ZNF205: variants seen among roughly 807,000 people sequenced by gnomAD.
The protein encoded by ZNF205 is transcriptional repressor RHIT.
ZNF205 carries 32 observed loss-of-function variants against 53.6 expected under a neutral mutation model. The observed-to-expected ratio is 0.60, with a 90% confidence interval of 0.45 to 0.80. The LOEUF is 0.80. Ranked by LOEUF, ZNF205 falls within the 30% of genes least tolerant of loss-of-function variation. The pLI, the probability that ZNF205 is intolerant of heterozygous loss-of-function variation, is 0.00. For missense variants in ZNF205, 836 were observed against 782.4 expected, an observed-to-expected ratio of 1.07 and a Z score of -0.82; for synonymous variants, 382 against 334.3, an observed-to-expected ratio of 1.14 and a Z score of -1.56.
In ZNF205 at chr16:3,120,178, C is replaced by T; in HGVS notation, c.1518C>T (p.Cys506=). ...RTHRGVRPYA[C]PLCGKSFSRR... ...ACCGTGGCGTGCGGCCCTACGCCTG[C>T]CCGTTGTGCGGCAAGAGCTTCAGCC... The change falls in exon 7 of 7, where the codon TGC becomes TGT. Residue 506 remains cysteine (C), a synonymous_variant. Coordinates refer to ENST00000219091, the MANE Select transcript of ZNF205 (RefSeq NM_001042428.2). 6.2e-7 allele frequency: 1 copy of T among 1,606,640 alleles called. No homozygotes were observed. Among genetic ancestry groups the T allele is most frequent in the Non-Finnish European group, 8.5e-7 (1 of 1,175,494 alleles).
chr16:3,113,939 G>C (rs540523510), intron 2 of ZNF205, among the ~76,000 whole-genome samples: 1 of 151,996 alleles, frequency 6.6e-6, no homozygotes, highest in African/African-American at 2.4e-5. Context: ...CTGGGTCTCC[G>C]GGCTTGGAGT....
At position 3,118,993 on chromosome 16, in the gene ZNF205, G is replaced by A. The variant is rs150467103; in HGVS notation, c.573G>A (p.Lys191=). ...CCAGCCGGCAGGCAGGAGATGAGAA[G>A]GAGTGGAGAGGCGCGTGCACAGGTG... ...SGSSRQAGDE[K]EWRGACTGAV... is the part of the protein sequence containing the mutation. Residue 191 remains lysine (K), a synonymous_variant, in exon 6 of 7, where the codon AAG becomes AAA. Transcript: ENST00000219091. 2.7e-5 allele frequency: 43 copies of A among 1,613,550 alleles called. No homozygotes were observed. The African/African-American group carries it at 5.3e-4, about 20-fold the overall frequency.
At chr16:3,113,198 C>A (rs1402731862) in intron 1 of ZNF205, among the ~76,000 whole-genome samples, 1 of 152,070 alleles carries the variant, frequency 6.6e-6, no homozygotes, top group African/African-American at 2.4e-5. Context: ...AAAATAGGAC[C>A]CAGAAAACAT....
In ZNF205 at chr16:3,115,503, G is replaced by T; in HGVS notation, c.206G>T (p.Gly69Val). ...EGASQEDGAQ[G>V]AWGWAPLSHG... ...GCATCGCAGGAGGATGGGGCTCAAG[G>T]TGCCTGGGGCTGGGCACCCCTAAGT... Residue 69 changes from glycine to valine, a missense_variant, in exon 3 of 7, where the codon GGT becomes GTT. Physicochemically the swap from Gly to Val is moderately radical, Grantham distance 109. Transcript: ENST00000219091. 1 of 1,605,566 alleles carries T rather than the reference G, an allele frequency of 6.2e-7. No individual in the cohort carries two copies.
In ZNF205 at chr16:3,120,127, G is replaced by A. The variant is rs1165681640; in HGVS notation, c.1467G>A (p.Ser489=). Residue 489 remains serine, a synonymous_variant, in exon 7 of 7, where the codon TCG becomes TCA. Transcript: ENST00000219091. ...GCGGCAAGAGCTTCAGCCACAGCTC[G>A]CACCTCACCGCGCACCAGCGCACCC... ...LDCGKSFSHS[S]HLTAHQRTHR... 2 of 1,613,270 alleles carry A rather than the reference G, an allele frequency of 1.2e-6. No homozygotes were observed. Among genetic ancestry groups the A allele is most frequent in the South Asian group, 1.1e-5 (1 of 91,050 alleles).
Position 3,118,874 on chromosome 16 carries a change from C to A in ZNF205, c.485-31C>A, listed in dbSNP as rs1957379964. 6 of 1,608,218 alleles carry A rather than the reference C, an allele frequency of 3.7e-6. No individual in the cohort carries two copies. In the Admixed American group the frequency reaches 5.1e-5, roughly 14 times the overall value. On this transcript the variant is annotated intron_variant, in intron 5 of 6. Coordinates refer to ENST00000219091, the MANE Select transcript of ZNF205 (RefSeq NM_001042428.2). ...CTGCAGCTGGGCAGCGCCAGAAGGCCTGTGACAGCACAGCATCTCTTTCTG... is the reference window on the plus strand; with the variant it reads ...CTGCAGCTGGGCAGCGCCAGAAGGCATGTGACAGCACAGCATCTCTTTCTG...
At chr16:3,118,421 A>G (rs1232778878) in intron 5 of ZNF205, among the ~76,000 whole-genome samples, 1 of 152,168 alleles carries the variant, frequency 6.6e-6, no homozygotes, top group African/African-American at 2.4e-5. Flanking sequence ...GGTTGGTCCA[A>G]CACATTCCTT....
At chr16:3,113,682 C>G (rs1481395554) in intron 2 of ZNF205, among the ~76,000 whole-genome samples, 195 bp downstream of exon 2, 1 of 152,162 alleles carries the variant, frequency 6.6e-6, no homozygotes, top group East Asian at 1.9e-4. Context: ...GGTGAATTCT[C>G]TAGCCAGTGG....
At chr16:3,112,719 G>A (rs987331109) in intron 1 of ZNF205, 37 bp downstream of exon 1, 5 of 274,438 alleles carry the variant, frequency 1.8e-5, no homozygotes, top group Admixed American at 4.4e-5. Context: ...TCTGGATCCC[G>A]AGACCGGCGC....
rs1461685812 is a variant in ZNF205, at chr16:3,120,351, G to A, written c.*26G>A. 2.0e-6 allele frequency: 3 copies of A among 1,474,590 alleles called. No homozygotes were observed. Among genetic ancestry groups the A allele is most frequent in the African/African-American group, 2.8e-5 (2 of 70,818 alleles). The allele number at this position is 1,474,590 out of a possible 1,614,324, so 91.3% of individuals were successfully genotyped here. A position where few individuals can be genotyped will look rare whatever the true frequency, so the allele number is the denominator to read the frequency against. ...GAGGCCAGGAAAGGGGGAGCGGGGC[G>A]CCCAGGGCCACTGGAACAGCCCCAC... On this transcript the variant is annotated 3_prime_UTR_variant, in exon 7 of 7. Transcript: ENST00000219091.
Position 3,116,388 on chromosome 16 carries a change from C to T in ZNF205, c.364-39C>T, listed in dbSNP as rs199669748. ...CCATGGTGTCCCTCCACCGTGTCCA[C>T]GTCATGTCCTGGAGAGTGGATGTTT... On this transcript the variant is annotated intron_variant, in intron 4 of 6. Transcript: ENST00000219091. 3.2e-4 allele frequency: 508 copies of T among 1,611,398 alleles called. 2 individuals are homozygous for T. Among genetic ancestry groups the T allele is most frequent in the Admixed American group, 1.1e-3 (63 of 59,936 alleles).
intron 1 of ZNF205, 67 bp from the exon 2 acceptor site, chr16:3,113,350 C>G: frequency 6.5e-7 from 1 of 1,533,542 alleles, no homozygotes; most frequent in South Asian, 1.1e-5. Context: ...CTCTTCTAGG[C>G]TCCTGGCCAG....
At position 3,119,549 on chromosome 16, in the gene ZNF205, C is replaced by T. The variant is rs755481795; in HGVS notation, c.889C>T (p.Leu297=). ...CGCCCCGGAGAGTGGCGAGGAGGGCCTGGCCCCTGACAGTGAGGTGGGCAG... is the reference window on the plus strand; with the variant it reads ...CGCCCCGGAGAGTGGCGAGGAGGGCTTGGCCCCTGACAGTGAGGTGGGCAG... ...KGAPESGEEG[L]APDSEVGRKS... The change falls in exon 7 of 7, where the codon CTG becomes TTG. Residue 297 remains leucine, a synonymous_variant. Coordinates refer to ENST00000219091, the MANE Select transcript of ZNF205 (RefSeq NM_001042428.2). The T allele has an allele frequency of 6.2e-7, 1 of 1,607,682 alleles. No individual in the cohort carries two copies. Among genetic ancestry groups the T allele is most frequent in the Non-Finnish European group, 8.5e-7 (1 of 1,177,630 alleles).
intron 5 of ZNF205, among the ~76,000 whole-genome samples, 162 bp downstream of exon 5, chr16:3,116,709 G>A (rs1957350921): frequency 6.6e-6 from 1 of 152,148 alleles, no homozygotes; most frequent in Non-Finnish European, 1.5e-5. Context: ...TGTTCTGTGT[G>A]TGCTAGGACG....
Position 3,119,473 on chromosome 16 carries a change from G to A in ZNF205, c.813G>A (p.Thr271=), listed in dbSNP as rs1375612755. 1.9e-6 allele frequency: 3 copies of A among 1,588,778 alleles called. No individual in the cohort carries two copies. Among genetic ancestry groups the A allele is most frequent in the Non-Finnish European group, 8.6e-7 (1 of 1,168,662 alleles). ...PDAAPPDPSP[T]EPQEYRVPEK... is the part of the protein sequence containing the mutation. ...CAGCTCCGCCAGACCCCAGTCCCAC[G>A]GAGCCCCAGGAGTACCGCGTCCCGG... Residue 271 remains threonine, a synonymous_variant, in exon 7 of 7, where the codon ACG becomes ACA. Transcript: ENST00000219091.
rs1957405010 is a variant in ZNF205 at position 3,120,089 on chromosome 16, CACTGCCTCG to C, written c.1435_1443del (p.Leu479_Cys481del). ...CACACACACAGGCGAGAAGCCCTACCACTGCCTCGACTGCGGCAAGAGCTTCAGCCACAG... is the reference window on the plus strand; with the variant it reads ...CACACACACAGGCGAGAAGCCCTACCACTGCGGCAAGAGCTTCAGCCACAG... On this transcript the variant is annotated inframe_deletion, in exon 7 of 7. Transcript: ENST00000219091. 2.5e-6 allele frequency: 4 copies of C among 1,613,758 alleles called. No individual in the cohort carries two copies. Among genetic ancestry groups the C allele is most frequent in the Non-Finnish European group, 3.4e-6 (4 of 1,179,840 alleles).
chr16:3,115,966 G>T (rs752023024), intron 4 of ZNF205, 46 bp downstream of exon 4: 2 of 1,574,252 alleles, frequency 1.3e-6, no homozygotes, highest in Non-Finnish European at 1.7e-6. Flanking sequence ...AGCCCTTCCT[G>T]CATCTGCTGG....
At chr16:3,115,736 G>T in intron 3 of ZNF205, 93 bp from the exon 4 acceptor site, 1 of 1,427,836 alleles carries the variant, frequency 7.0e-7, no homozygotes, top group Non-Finnish European at 9.6e-7. Context: ...CCCTGTCCTT[G>T]GGTCGGGCCA....
chr16:3,118,104 C>T (rs371874005), intron 5 of ZNF205, among the ~76,000 whole-genome samples: 1 of 147,336 alleles, frequency 6.8e-6, no homozygotes, highest in Admixed American at 7.1e-5. Flanking sequence ...CCTCGTGATC[C>T]GCCCACCTCG....
Sources: gnomAD v4.1 joint callset for allele counts (sites outside exome capture counted in the v4.1 genomes callset) on GRCh38, gnomAD v4.1.1 for gene constraint, MANE v1.5 for transcripts, NCBI Gene and HGNC (gene_info 2026-07-23, HGNC 2026-07-21) for gene names.